Variants in PDHA1 observed in about 807,000 individuals in gnomAD.
PDHA1 encodes pyruvate dehydrogenase E1 subunit alpha 1, also known as pyruvate dehydrogenase E1 component subunit alpha, somatic form, mitochondrial.
Under a neutral mutation model 33.0 loss-of-function variants are expected in PDHA1, and 1 was observed. The observed-to-expected ratio is 0.03, with a 90% CI of 0.01 to 0.14. PDHA1 has a LOEUF of 0.14. PDHA1 is among the 10% of genes least tolerant of loss of function. The pLI, the probability that PDHA1 is intolerant of heterozygous loss-of-function variation, is 1.00. For missense variants in PDHA1, 168 were observed against 325.1 expected, an observed-to-expected ratio of 0.52 and a Z score of 3.72; for synonymous variants, 123 against 119.2, an observed-to-expected ratio of 1.03 and a Z score of -0.21.
Position 19,361,062 on chromosome X carries a change from G to C in PDHA1, c.*1409G>C, listed in dbSNP as rs1044241597. ...AGAAGGCAGGCTGCAGTTTAAAGAA[G>C]GGGGTGGGTCCAGCGTGCAGGCACG... is the stretch of plus-strand genomic sequence containing the variant. On this transcript the variant is annotated 3_prime_UTR_variant, in exon 11 of 11. Transcript: ENST00000422285. 6 of 417,841 alleles carry C rather than the reference G, an allele frequency of 1.4e-5. No individual in the cohort carries two copies. The African/African-American group carries it at 1.5e-4, about 10-fold the overall frequency. 34.4% of individuals were successfully genotyped at this position (417,841 alleles called of 1,213,427 possible).
At chrX:19,344,955 G>A (rs1251377359) in intron 1 of PDHA1, among the ~76,000 whole-genome samples, 1 of 111,705 alleles carries the variant, frequency 9.0e-6, no homozygotes, top group South Asian at 3.7e-4. Context: ...CAGGAGCGCC[G>A]AAGCAGAACT....
intron 1 of PDHA1, among the ~76,000 whole-genome samples, chrX:19,344,989 C>A (rs946229016): frequency 9.0e-5 from 10 of 111,449 alleles, no homozygotes; most frequent in African/African-American, 2.9e-4. Flanking sequence ...CCTCCCCTCC[C>A]CTTACCTACA....
Position 19,359,677 on chromosome X carries a change from C to G in PDHA1, c.*24C>G. ...AAGGGGAGGAGAAGGAGAGGTTATACCTTCAGGGGGCTACCAGACAGTGTT... is the reference window on the plus strand; with the variant it reads ...AAGGGGAGGAGAAGGAGAGGTTATAGCTTCAGGGGGCTACCAGACAGTGTT... On this transcript the variant is annotated 3_prime_UTR_variant, in exon 11 of 11. Transcript: ENST00000422285. The G allele has an allele frequency of 1.7e-6, 2 of 1,168,797 alleles. No individual in the cohort carries two copies. Among genetic ancestry groups the G allele is most frequent in the Non-Finnish European group, 2.3e-6 (2 of 856,901 alleles).
chrX:19,344,555 G>A (rs193100460), intron 1 of PDHA1, among the ~76,000 whole-genome samples: 75 of 113,562 alleles, frequency 6.6e-4, no homozygotes, highest in African/African-American at 2.1e-3. Context: ...GACTAGCCCT[G>A]TGACCTTGAG....
In PDHA1 at chrX:19,355,334, C is replaced by G. The variant is rs13440874; in HGVS notation, c.604-15C>G. The stretch of plus-strand genomic sequence containing the variant: ...AAAGAAGCCAAATGAAACCCCTTTT[C>G]GTAACTACTTCCAGGGCCAGATATT... On this transcript the variant is annotated splice_polypyrimidine_tract_variant and intron_variant, in intron 6 of 10. Transcript: ENST00000422285. The G allele has an allele frequency of 1.7e-5, 20 of 1,208,793 alleles. No homozygotes were observed. Among genetic ancestry groups the G allele is most frequent in the East Asian group, 3.0e-5 (1 of 33,777 alleles).
Position 19,361,377 on chromosome X carries a change from A to C in PDHA1, c.*1724A>C, listed in dbSNP as rs1347776986. 8.3e-7 allele frequency: 1 copy of C among 1,209,898 alleles called. No homozygotes were observed. ...ATCTTAGATCTTCCTTAGTGATCTC[A>C]TTAAGAATATCCGAAAGTGTATAAC... On this transcript the variant is annotated 3_prime_UTR_variant, in exon 11 of 11. Coordinates refer to ENST00000422285, the MANE Select transcript of PDHA1 (RefSeq NM_000284.4).
At chrX:19,347,181 C>T (rs1390206158) in intron 1 of PDHA1, among the ~76,000 whole-genome samples, 1 of 111,624 alleles carries the variant, frequency 9.0e-6, no homozygotes, top group Non-Finnish European at 1.9e-5. Context: ...AGGTGTGAGC[C>T]ATCATGCCCG....
At chrX:19,346,200 C>A (rs749001673) in intron 1 of PDHA1, among the ~76,000 whole-genome samples, 4 of 112,187 alleles carry the variant, frequency 3.6e-5, no homozygotes, top group African/African-American at 1.3e-4. Context: ...GTGTGATACT[C>A]CATGAAGGGA....
chrX:19,359,436 T>G (rs2063242552), intron 10 of PDHA1, 53 bp from the exon 11 acceptor site: 1 of 1,035,026 alleles, frequency 9.7e-7, no homozygotes, highest in African/African-American at 1.9e-5. Context: ...CTCTAGTTGG[T>G]ACCTAAGCTG....
Position 19,361,003 on chromosome X carries a change from C to T in PDHA1, c.*1350C>T, listed in dbSNP as rs912249698. On this transcript the variant is annotated 3_prime_UTR_variant, in exon 11 of 11. Transcript: ENST00000422285. ...ACATGGCCTTAGAGGTACGTACCTGCAGAGAGCTGGCTATTTCAAATGACT... is the reference window on the plus strand; with the variant it reads ...ACATGGCCTTAGAGGTACGTACCTGTAGAGAGCTGGCTATTTCAAATGACT... The T allele has an allele frequency of 2.6e-5, 11 of 426,113 alleles. No homozygotes were observed. The highest frequency in any genetic ancestry group is 5.7e-4 in the Middle Eastern group (1 of 1,757). 35.1% of individuals were successfully genotyped at this position (426,113 alleles called of 1,213,427 possible). A position where few individuals can be genotyped will look rare whatever the true frequency, so the allele number is the denominator to read the frequency against.
In PDHA1 at chrX:19,360,253, G is replaced by T. The variant is rs1304311874; in HGVS notation, c.*600G>T. The T allele has an allele frequency of 7.5e-6, 1 of 132,870 alleles. No homozygotes were observed. Among genetic ancestry groups the T allele is most frequent in the Non-Finnish European group, 1.5e-5 (1 of 66,723 alleles). The allele number at this position is 132,870 out of a possible 1,213,427, so 10.9% of individuals were successfully genotyped here. On this transcript the variant is annotated 3_prime_UTR_variant, in exon 11 of 11. Transcript: ENST00000422285. ...TACAAGGCACATTCGTATCAGTTTT[G>T]TGTTTCTCAAATTGAAGTACCATAC...
intron 8 of PDHA1, chrX:19,357,367 A>AT (rs1190947430): frequency 2.3e-5 from 8 of 342,211 alleles, no homozygotes; most frequent in Non-Finnish European, 3.6e-5. Flanking sequence ...AAGTGCTGGG[A>AT]TTACAGGCAT....
chrX:19,358,647 G>A (rs931981291), intron 9 of PDHA1, among the ~76,000 whole-genome samples: 1 of 111,982 alleles, frequency 8.9e-6, no homozygotes, highest in Admixed American at 9.5e-5. Context: ...TGCCAGGGAA[G>A]CCATGTGACT....
rs755908979 is a variant in PDHA1 at position 19,361,637 on chromosome X, ACT to A, written c.*1987_*1988del. ...TGTTATATATTAGTCTAACCATAAA[ACT>A]CTTCAAAAGTAACCAGTTGGATTAA... On this transcript the variant is annotated 3_prime_UTR_variant, in exon 11 of 11. Coordinates refer to ENST00000422285, the MANE Select transcript of PDHA1 (RefSeq NM_000284.4). 1.1e-6 allele frequency: 1 copy of A among 932,164 alleles called. No individual in the cohort carries two copies. Among genetic ancestry groups the A allele is most frequent in the Non-Finnish European group, 1.5e-6 (1 of 657,547 alleles). The allele number at this position is 932,164 out of a possible 1,213,427, so 76.8% of individuals were successfully genotyped here.
At chrX:19,359,091 G>C in intron 10 of PDHA1, 67 bp downstream of exon 10, 1 of 632,033 alleles carries the variant, frequency 1.6e-6, no homozygotes, top group South Asian at 2.3e-5. Context: ...GGTGGCCACA[G>C]AGTTTGTGTG....
At chrX:19,346,474 A>G in intron 1 of PDHA1, 1 of 418,771 alleles carries the variant, frequency 2.4e-6, no homozygotes, top group East Asian at 4.1e-5. Context: ...TGCCACCACC[A>G]CACCCAGCCA....
rs1301703645 is a variant in PDHA1 at position 19,360,648 on chromosome X, T to C, written c.*995T>C. The C allele has an allele frequency of 3.2e-6, 2 of 620,566 alleles. No homozygotes were observed. The highest frequency in any genetic ancestry group is 6.6e-5 in the Admixed American group (2 of 30,230). 51.1% of individuals were successfully genotyped at this position (620,566 alleles called of 1,213,427 possible). On this transcript the variant is annotated 3_prime_UTR_variant, in exon 11 of 11. Transcript: ENST00000422285. ...AACTATTAATTGAACAATGGCATTT[T>C]TAAATATGTAAACACAGCGGAATTC...
At chrX:19,358,798 C>T (rs1464033370) in intron 9 of PDHA1, 118 bp from the exon 10 acceptor site, 1 of 527,095 alleles carries the variant, frequency 1.9e-6, no homozygotes, top group East Asian at 3.5e-5. Flanking sequence ...GTTTCAGAAA[C>T]ACACTTCTGT....
rs1416918931 is a variant in PDHA1, at chrX:19,351,771, C to CGTGACTA, written c.418+365_418+371dup. Among the ~76,000 whole-genome samples the CGTGACTA allele has an allele frequency of 3.8e-5, 4 of 106,097 alleles. No homozygotes were observed. The East Asian group carries it at 1.2e-3, about 31-fold the overall frequency. The allele number at this position is 106,097 out of a possible 115,157, so 92.1% of individuals were successfully genotyped here. On this transcript the variant is annotated intron_variant, in intron 4 of 10. Transcript: ENST00000422285. The stretch of plus-strand genomic sequence containing the variant: ...TAATATTCCCCTTTTCTTTGTCCCC[C>CGTGACTA]GTGACTATTTGTTTGTTTTGGTGGT...
Sources: allele counts gnomAD v4.1 joint callset (sites outside exome capture counted in the v4.1 genomes callset), GRCh38; gene constraint gnomAD v4.1.1; transcripts MANE v1.5; gene names NCBI Gene and HGNC (gene_info 2026-07-23, HGNC 2026-07-21).